Variants in FAT3 observed in about 807,000 individuals in gnomAD.
The protein encoded by FAT3 is FAT atypical cadherin 3.
In FAT3, 95 loss-of-function variants were observed where a neutral mutation model predicts 310.2. That is an observed-to-expected ratio of 0.31 (90% CI 0.26 to 0.36). The LOEUF is 0.36. Ranked by LOEUF, FAT3 falls within the 10% of genes least tolerant of loss-of-function variation. FAT3 has a pLI of 1.00. For synonymous variants in FAT3, 2,314 were observed against 2,192.9 expected, an observed-to-expected ratio of 1.06 and a Z score of -1.54; for missense variants, 5,408 against 5,715.6, an observed-to-expected ratio of 0.95 and a Z score of 1.74.
Position 92,595,953 on chromosome 11 carries a change from C to G in FAT3, c.3607+71005C>G, listed in dbSNP as rs190719984. Among the ~76,000 whole-genome samples the G allele has an allele frequency of 2.6e-5, 4 of 152,140 alleles. No homozygotes were observed. The East Asian group carries it at 7.8e-4, about 29-fold the overall frequency. The stretch of plus-strand genomic sequence containing the variant: ...ACACCTTTTCTTGACTAACCTGGAA[C>G]AAGAGAGTACATTGGGCAATGTTTG... On this transcript the variant is annotated intron_variant, in intron 3 of 27. Coordinates refer to ENST00000525166, the MANE Select transcript of FAT3 (RefSeq NM_001367949.2).
At chr11:92,488,834 A>G (rs1952511822) in intron 2 of FAT3, among the ~76,000 whole-genome samples, 1 of 152,218 alleles carries the variant, frequency 6.6e-6, no homozygotes, top group South Asian at 2.1e-4. Flanking sequence ...CTGGGTTTGA[A>G]TTTCAGCTCT....
intron 2 of FAT3, among the ~76,000 whole-genome samples, chr11:92,358,994 A>G (rs999981341): frequency 2.6e-5 from 4 of 152,302 alleles, no homozygotes; most frequent in African/African-American, 9.6e-5. Flanking sequence ...AAGTGTTTGC[A>G]TTGGTTAGCA....
At chr11:92,763,236 A>G (rs572107955) in intron 5 of FAT3, among the ~76,000 whole-genome samples, 1 of 151,696 alleles carries the variant, frequency 6.6e-6, no homozygotes, top group East Asian at 1.9e-4. Flanking sequence ...TTATTATTTT[A>G]AACGATGGCC....
At chr11:92,454,388 C>T (rs763476245) in intron 2 of FAT3, among the ~76,000 whole-genome samples, 1 of 152,124 alleles carries the variant, frequency 6.6e-6, no homozygotes, top group Non-Finnish European at 1.5e-5. Flanking sequence ...ATAGTGCAAC[C>T]AGCCTGATCT....
chr11:92,782,992 C>T (rs1450402336), intron 7 of FAT3, among the ~76,000 whole-genome samples: 3 of 152,224 alleles, frequency 2.0e-5, no homozygotes, highest in Non-Finnish European at 4.4e-5. Flanking sequence ...GAACAACAGA[C>T]TCCCACAGGG....
At chr11:92,623,102 G>T (rs1451127244) in intron 3 of FAT3, among the ~76,000 whole-genome samples, 1 of 148,750 alleles carries the variant, frequency 6.7e-6, no homozygotes, top group Admixed American at 6.7e-5. Context: ...CTCTGATGTT[G>T]TCTTAAAAGC....
chr11:92,643,807 C>T (rs938170596), intron 3 of FAT3, among the ~76,000 whole-genome samples: 25 of 152,150 alleles, frequency 1.6e-4, no homozygotes, highest in Non-Finnish European at 3.2e-4. Flanking sequence ...TGTTCTCATA[C>T]GGTATTGGGT....
intron 2 of FAT3, among the ~76,000 whole-genome samples, chr11:92,432,736 G>A (rs2135034211): frequency 6.6e-6 from 1 of 152,286 alleles, no homozygotes; most frequent in Admixed American, 6.5e-5. Flanking sequence ...ACTTGAGGAG[G>A]CAGCCTGTCC....
intron 4 of FAT3, among the ~76,000 whole-genome samples, chr11:92,751,685 G>A (rs1156686051): frequency 6.6e-6 from 1 of 152,128 alleles, no homozygotes; most frequent in Non-Finnish European, 1.5e-5. Flanking sequence ...AGGAGGAAAA[G>A]GAGGCTTGAT....
At chr11:92,753,520 G>C (rs1017877161) in intron 4 of FAT3, among the ~76,000 whole-genome samples, 1 of 152,140 alleles carries the variant, frequency 6.6e-6, no homozygotes, top group African/African-American at 2.4e-5. Flanking sequence ...AGGATAGTAA[G>C]TACAGGCAGT....
chr11:92,758,995 A>G (rs1054101164), intron 4 of FAT3, among the ~76,000 whole-genome samples: 1 of 152,160 alleles, frequency 6.6e-6, no homozygotes, highest in Non-Finnish European at 1.5e-5. Flanking sequence ...AAAGTAGATT[A>G]CTAGTAAATA....
intron 1 of FAT3, among the ~76,000 whole-genome samples, chr11:92,244,724 G>C (rs1340041126): frequency 1.3e-5 from 2 of 152,146 alleles, no homozygotes; most frequent in South Asian, 4.2e-4. Flanking sequence ...GGCTTACGGT[G>C]GGGCTTAAAA....
At position 92,252,555 on chromosome 11, in the gene FAT3, T is replaced by C. The variant is rs1258530246; in HGVS notation, c.-18+27381T>C. ...GAGAGAACAGTCTTTCTCTAAATCA[T>C]GTCAACAGAGAACCTCAAAGAATTT... On this transcript the variant is annotated intron_variant, in intron 1 of 27. Coordinates refer to ENST00000525166, the MANE Select transcript of FAT3 (RefSeq NM_001367949.2). 2.0e-5 allele frequency among the ~76,000 whole-genome samples: 3 copies of C among 152,162 alleles called. No individual in the cohort carries two copies. In the East Asian group the frequency reaches 5.8e-4, roughly 29 times the overall value.
rs540723109 is a variant in FAT3 at position 92,784,593 on chromosome 11, G to C, written c.4336-5350G>C. On this transcript the variant is annotated intron_variant, in intron 7 of 27. Coordinates refer to ENST00000525166, the MANE Select transcript of FAT3 (RefSeq NM_001367949.2). ...CTCTGAAGAGATTTCCTATATTCGG[G>C]TTTCCTCCTGCTTTGATTTCATTGT... 3.9e-5 allele frequency among the ~76,000 whole-genome samples: 6 copies of C among 152,250 alleles called. No individual in the cohort carries two copies. The East Asian group carries it at 1.2e-3, about 29-fold the overall frequency.
At chr11:92,769,496 G>A (rs1946408340) in intron 6 of FAT3, among the ~76,000 whole-genome samples, 2 of 152,224 alleles carry the variant, frequency 1.3e-5, no homozygotes, top group South Asian at 4.2e-4. Context: ...TTCAGTCCCT[G>A]TATCTTTATT....
At chr11:92,790,321 T>C in intron 8 of FAT3, 103 bp downstream of exon 8, 3 of 1,254,002 alleles carry the variant, frequency 2.4e-6, no homozygotes, top group Middle Eastern at 4.0e-4. Flanking sequence ...TATAAGTAGT[T>C]GTAAATTTAG....
intron 1 of FAT3, among the ~76,000 whole-genome samples, chr11:92,341,696 C>T (rs911999418): frequency 6.6e-6 from 1 of 152,162 alleles, no homozygotes; most frequent in Non-Finnish European, 1.5e-5. Flanking sequence ...ATTTCTACCT[C>T]TCTGCAGTAT....
chr11:92,378,698 A>G (rs562268063), intron 2 of FAT3, among the ~76,000 whole-genome samples: 51 of 152,326 alleles, frequency 3.3e-4, no homozygotes, highest in African/African-American at 9.1e-4. Flanking sequence ...TGGGATTGCT[A>G]TAACAGAATA....
chr11:92,512,642 A>C (rs998158292), intron 2 of FAT3, among the ~76,000 whole-genome samples: 2 of 148,000 alleles, frequency 1.4e-5, no homozygotes, highest in Admixed American at 1.4e-4. Context: ...AAATATATAT[A>C]TATCTTGATT....
Sources: allele counts gnomAD v4.1 joint callset (sites outside exome capture counted in the v4.1 genomes callset), GRCh38; gene constraint gnomAD v4.1.1; transcripts MANE v1.5; gene names NCBI Gene and HGNC (gene_info 2026-07-23, HGNC 2026-07-21).